PARP11: variants seen among roughly 807,000 people sequenced by gnomAD.
The protein encoded by PARP11 is protein mono-ADP-ribosyltransferase PARP11.
PARP11 carries 31 observed loss-of-function variants against 42.9 expected under a neutral mutation model. The ratio of observed to expected loss-of-function variants is 0.72; its 90% CI spans 0.54 to 0.98. The LOEUF (loss-of-function observed/expected upper bound fraction) is 0.98. Ranked by LOEUF, PARP11 falls within the 50% of genes least tolerant of loss-of-function variation. The pLI, the probability that PARP11 is intolerant of heterozygous loss-of-function variation, is 0.00. For missense variants in PARP11, 365 were observed against 413.1 expected (o/e 0.88, Z 1.01); for synonymous variants, 137 against 127.3 (o/e 1.08, Z -0.51).
At chr12:3,837,488 C>T (rs1440696653) in intron 1 of PARP11, among the ~76,000 whole-genome samples, 3 of 151,998 alleles carry the variant, frequency 2.0e-5, no homozygotes, top group Non-Finnish European at 1.5e-5. Flanking sequence ...TTAAAACATA[C>T]GACCAGAGAA....
At chr12:3,851,654 CCT>C (rs995744254) in intron 1 of PARP11, among the ~76,000 whole-genome samples, 26 of 152,336 alleles carry the variant, frequency 1.7e-4, no homozygotes, top group Non-Finnish European at 2.9e-4. Context: ...GGCCTGCCTA[CCT>C]CTGTAGACTC....
At chr12:3,851,156 T>C (rs1349529695) in intron 1 of PARP11, among the ~76,000 whole-genome samples, 1 of 152,106 alleles carries the variant, frequency 6.6e-6, no homozygotes, top group African/African-American at 2.4e-5. Flanking sequence ...GATGGCCAAA[T>C]AGGAACAGCT....
intron 1 of PARP11, among the ~76,000 whole-genome samples, chr12:3,854,378 T>C (rs1215282657): frequency 1.3e-5 from 2 of 152,010 alleles, no homozygotes; most frequent in Non-Finnish European, 2.9e-5. Context: ...ACAAAATTGA[T>C]AGACCGCTAG....
chr12:3,819,803 C>T (rs573447640), intron 6 of PARP11, among the ~76,000 whole-genome samples: 16 of 152,332 alleles, frequency 1.1e-4, no homozygotes, highest in Middle Eastern at 6.8e-3. Context: ...GATCACACAA[C>T]CACCCCAGTG....
At chr12:3,845,196 A>C (rs979236180) in intron 1 of PARP11, among the ~76,000 whole-genome samples, 32 of 152,248 alleles carry the variant, frequency 2.1e-4, no homozygotes, top group African/African-American at 7.5e-4. Context: ...ATAAATCTTC[A>C]ACTCTTGCCC....
At chr12:3,839,453 C>T (rs59836757) in intron 1 of PARP11, 99,364 of 1,608,992 alleles carry the variant, frequency 0.062, 3,733 homozygotes, top group East Asian at 0.19. Context: ...CGGGCCGTGG[C>T]GGAGCAGGTA....
chr12:3,855,512 A>T (rs1431969934), intron 1 of PARP11, among the ~76,000 whole-genome samples: 1 of 152,134 alleles, frequency 6.6e-6, no homozygotes, highest in Non-Finnish European at 1.5e-5. Context: ...TCATGAGTGA[A>T]CTCCCATTCA....
chr12:3,832,462 G>GTC (rs764461554), intron 1 of PARP11, among the ~76,000 whole-genome samples: 6 of 152,152 alleles, frequency 3.9e-5, no homozygotes, highest in Non-Finnish European at 5.9e-5. Context: ...AAGCCCCACT[G>GTC]TCTCCTTTTC....
At chr12:3,815,125 C>T (rs1947260154) in intron 6 of PARP11, 1 of 444,888 alleles carries the variant, frequency 2.2e-6, no homozygotes. Context: ...TGGGAGTCTG[C>T]AAACTATTTG....
chr12:3,853,331 C>T (rs757756712), intron 1 of PARP11, among the ~76,000 whole-genome samples: 8 of 152,170 alleles, frequency 5.3e-5, no homozygotes, highest in Non-Finnish European at 1.2e-4. Context: ...TTAAAAGACA[C>T]AGACTGGCAA....
At position 3,862,154 on chromosome 12, in the gene PARP11, A is replaced by G. The variant is rs150409913; in HGVS notation, c.18+11058T>C. On this transcript the variant is annotated intron_variant, in intron 1 of 7. Coordinates refer to ENST00000228820, the MANE Select transcript of PARP11 (RefSeq NM_020367.6). Reference sequence around the variant, plus strand: ...TGAAAAAGATTTTTCTCAGCCAGGCATAGTGGCTCATCCCTGTAATCACAG... The same window carrying G: ...TGAAAAAGATTTTTCTCAGCCAGGCGTAGTGGCTCATCCCTGTAATCACAG... Among the ~76,000 whole-genome samples, 233 of 152,310 alleles carry G rather than the reference A, an allele frequency of 1.5e-3. 3 individuals carry two copies. In the East Asian group the frequency reaches 0.03, roughly 19 times the overall value.
intron 1 of PARP11, among the ~76,000 whole-genome samples, chr12:3,866,071 G>A (rs1179909041): frequency 1.3e-5 from 2 of 151,678 alleles, no homozygotes; most frequent in Non-Finnish European, 2.9e-5. Flanking sequence ...AACTTTTCTA[G>A]CTTCTGATCC....
chr12:3,852,221 C>T (rs1948109078), intron 1 of PARP11, among the ~76,000 whole-genome samples: 1 of 152,162 alleles, frequency 6.6e-6, no homozygotes, highest in Non-Finnish European at 1.5e-5. Flanking sequence ...ACCAGAGCAC[C>T]TCTTCTCCTC....
intron 1 of PARP11, among the ~76,000 whole-genome samples, chr12:3,858,980 C>G (rs529667772): frequency 2.6e-5 from 4 of 151,166 alleles, no homozygotes; most frequent in South Asian, 2.1e-4. Context: ...GCCTGTAATC[C>G]CAGTTACTTG....
intron 4 of PARP11, 28 bp downstream of exon 4, chr12:3,826,130 C>T (rs766821647): frequency 2.9e-5 from 41 of 1,411,786 alleles, no homozygotes; most frequent in Non-Finnish European, 3.0e-5. Flanking sequence ...AAAACCCACT[C>T]TTTCCACCCC....
intron 1 of PARP11, among the ~76,000 whole-genome samples, chr12:3,845,637 G>A (rs1317198525): frequency 3.3e-5 from 5 of 152,182 alleles, no homozygotes; most frequent in Admixed American, 2.0e-4. Flanking sequence ...AAGAGAATAC[G>A]TATTTGGCTA....
intron 6 of PARP11, among the ~76,000 whole-genome samples, chr12:3,817,099 G>A (rs1028943938): frequency 5.3e-5 from 8 of 152,050 alleles, no homozygotes; most frequent in African/African-American, 1.4e-4. Flanking sequence ...GCTGAGGCAG[G>A]AGAATGGCAT....
intron 1 of PARP11, among the ~76,000 whole-genome samples, chr12:3,859,341 GAT>G (rs1403747492): frequency 2.0e-5 from 3 of 151,956 alleles, no homozygotes; most frequent in Non-Finnish European, 4.4e-5. Flanking sequence ...GAGGCGAGTG[GAT>G]CACAAGGTCA....
chr12:3,842,057 A>C, intron 1 of PARP11: 2 of 1,608,684 alleles, frequency 1.2e-6, no homozygotes, highest in Non-Finnish European at 1.7e-6. Flanking sequence ...GGAAAGGCTC[A>C]CCCTCCCACT....
Sources: gnomAD v4.1 joint callset for allele counts (sites outside exome capture counted in the v4.1 genomes callset) on GRCh38, gnomAD v4.1.1 for gene constraint, MANE v1.5 for transcripts, NCBI Gene and HGNC (gene_info 2026-07-23, HGNC 2026-07-21) for gene names.